The following DMD variants were observed in gnomAD, a reference collection of about 807,000 sequenced individuals.
DMD encodes mutant dystrophin.
In DMD, 63 loss-of-function variants were observed where a neutral mutation model predicts 330.1. The ratio of observed to expected loss-of-function variants is 0.19; its 90% CI spans 0.16 to 0.24. The LOEUF (loss-of-function observed/expected upper bound fraction) is 0.24. Among genes scored for constraint, DMD ranks in the 10% least tolerant of loss-of-function variants. DMD has a pLI of 1.00. For missense variants in DMD, 3,344 were observed against 2,684.1 expected (o/e 1.25, Z -5.43); for synonymous variants, 1,223 against 959.8 (o/e 1.27, Z -5.07).
intron 51 of DMD, among the ~76,000 whole-genome samples, chrX:31,760,559 A>G (rs1261197309): frequency 2.7e-5 from 3 of 112,029 alleles, no homozygotes; most frequent in African/African-American, 9.7e-5. Context: ...ATAGCCTAGG[A>G]GCAATAGGCT....
intron 25 of DMD, among the ~76,000 whole-genome samples, chrX:32,459,097 G>A (rs1271547203): frequency 9.1e-6 from 1 of 110,374 alleles, no homozygotes; most frequent in Non-Finnish European, 1.9e-5. Context: ...TACAACATTG[G>A]GCCTATAGTT....
chrX:31,591,332 T>C (rs973001154), intron 55 of DMD, among the ~76,000 whole-genome samples: 2 of 111,373 alleles, frequency 1.8e-5, no homozygotes, highest in African/African-American at 6.5e-5. Context: ...TTTTCATTGT[T>C]ACAAGCCAAC....
At chrX:32,323,306 G>A (rs2097630408) in intron 41 of DMD, among the ~76,000 whole-genome samples, 1 of 110,990 alleles carries the variant, frequency 9.0e-6, no homozygotes, top group African/African-American at 3.3e-5. Flanking sequence ...GCTGAAACCA[G>A]TGCCCCACAG....
intron 1 of DMD, among the ~76,000 whole-genome samples, chrX:33,029,155 T>A (rs768286765): frequency 8.9e-6 from 1 of 111,764 alleles, no homozygotes; most frequent in Admixed American, 9.5e-5. Context: ...AACTACTCTG[T>A]TAATTATAGA....
At chrX:32,388,524 TAAG>T (rs1001486100) in intron 32 of DMD, among the ~76,000 whole-genome samples, 7 of 109,586 alleles carry the variant, frequency 6.4e-5, no homozygotes, top group African/African-American at 2.3e-4. Context: ...TATTATCGAA[TAAG>T]AATACCTCAT....
chrX:31,377,134 C>G (rs750271898), intron 60 of DMD, among the ~76,000 whole-genome samples: 3 of 112,021 alleles, frequency 2.7e-5, no homozygotes, highest in Non-Finnish European at 5.6e-5. Flanking sequence ...GATACCTGTA[C>G]TCTATTCTAA....
At chrX:32,061,623 T>C (rs1276567065) in intron 44 of DMD, among the ~76,000 whole-genome samples, 1 of 111,440 alleles carries the variant, frequency 9.0e-6, no homozygotes, top group Non-Finnish European at 1.9e-5. Flanking sequence ...GAATTGAGAA[T>C]TGTCCACACC....
intron 50 of DMD, among the ~76,000 whole-genome samples, chrX:31,780,968 T>C (rs1431758099): frequency 8.9e-6 from 1 of 112,043 alleles, no homozygotes; most frequent in Non-Finnish European, 1.9e-5. Context: ...ATGTTAAGTT[T>C]GGGAGCTATG....
chrX:32,288,538 T>G (rs2097452747), intron 42 of DMD, among the ~76,000 whole-genome samples: 1 of 111,250 alleles, frequency 9.0e-6, no homozygotes, highest in Admixed American at 9.6e-5. Context: ...TTCCGCTCTT[T>G]CCCCCCTACT....
chrX:31,576,535 A>G (rs978547627), intron 55 of DMD, among the ~76,000 whole-genome samples: 1 of 110,174 alleles, frequency 9.1e-6, no homozygotes, highest in African/African-American at 3.3e-5. Flanking sequence ...GAAACCATAT[A>G]TGAAAAGTTT....
rs727503828 is a variant in DMD, at chrX:32,365,035, C to A, written c.5010G>T (p.Trp1670Cys). The change falls in exon 35 of 79, where the codon TGG becomes TGT. Residue 1670 changes from tryptophan to cysteine, a missense_variant. Trp to Cys is a radical substitution (Grantham distance 215). Coordinates refer to ENST00000357033, the MANE Select transcript of DMD (RefSeq NM_004006.3). The part of the protein sequence containing the change: ...WIAVTSRAEE[W>C]LNLLLEYQKH... ...TTTCTCTTACCAACAAAAGATTTAA[C>A]CACTCTTCTGCTCGGGAGGTGACAG... 507 of 1,208,544 alleles carry A rather than the reference C, an allele frequency of 4.2e-4. No individual in the cohort carries two copies. The highest frequency in any genetic ancestry group is 5.3e-4 in the Non-Finnish European group (470 of 894,701).
intron 1 of DMD, among the ~76,000 whole-genome samples, chrX:33,315,185 T>C (rs1286885549): frequency 8.9e-6 from 1 of 112,151 alleles, no homozygotes; most frequent in Non-Finnish European, 1.9e-5. Flanking sequence ...TCCAGGATAA[T>C]CTTACCATCT....
intron 7 of DMD, among the ~76,000 whole-genome samples, chrX:32,749,446 CAAT>C (rs2070508167): frequency 8.9e-6 from 1 of 112,008 alleles, no homozygotes; most frequent in South Asian, 3.7e-4. Context: ...AACCTGAGTA[CAAT>C]AATGATATTA....
At chrX:33,171,459 G>C (rs1411148879) in intron 1 of DMD, among the ~76,000 whole-genome samples, 3 of 111,346 alleles carry the variant, frequency 2.7e-5, no homozygotes, top group Non-Finnish European at 5.7e-5. Flanking sequence ...TCTGAAAGCA[G>C]ATTTGAGACC....
intron 1 of DMD, among the ~76,000 whole-genome samples, chrX:33,229,039 T>G (rs1444215016): frequency 9.0e-6 from 1 of 110,959 alleles, no homozygotes; most frequent in Non-Finnish European, 1.9e-5. Flanking sequence ...TCTTCGTGCC[T>G]TTGGCTCATT....
chrX:33,055,560 A>G (rs1425152568), intron 1 of DMD, among the ~76,000 whole-genome samples: 1 of 112,418 alleles, frequency 8.9e-6, no homozygotes, highest in African/African-American at 3.2e-5. Context: ...TTCTTCAACC[A>G]GACATTTGTA....
Position 32,390,042 on chromosome X carries a change from C to T in DMD, c.4344+29G>A, listed in dbSNP as rs72468645. ...TGGAGTATAATGCCCAACGAAAACA[C>T]GTTCCTTAGTTTCTGAAATAACATA... On this transcript the variant is annotated intron_variant, in intron 31 of 78. Coordinates refer to ENST00000357033, the MANE Select transcript of DMD (RefSeq NM_004006.3). The T allele has an allele frequency of 5.1e-4, 567 of 1,122,662 alleles. No homozygotes were observed. Among genetic ancestry groups the T allele is most frequent in the Non-Finnish European group, 6.1e-4 (502 of 816,262 alleles). 92.5% of individuals were successfully genotyped at this position (1,122,662 alleles called of 1,213,427 possible).
intron 60 of DMD, among the ~76,000 whole-genome samples, chrX:31,355,497 C>G (rs771636030): frequency 8.9e-6 from 1 of 112,402 alleles, no homozygotes; most frequent in Admixed American, 9.4e-5. Context: ...ATGACACTTA[C>G]ACAAATGAGC....
At chrX:33,067,437 G>A (rs759617542) in intron 1 of DMD, among the ~76,000 whole-genome samples, 1 of 112,547 alleles carries the variant, frequency 8.9e-6, no homozygotes, top group South Asian at 3.6e-4. Context: ...TCAAAGAGGT[G>A]ATTTTCTTAG....
Sources: gnomAD v4.1 joint callset for allele counts (sites outside exome capture counted in the v4.1 genomes callset) on GRCh38, gnomAD v4.1.1 for gene constraint, MANE v1.5 for transcripts, NCBI Gene and HGNC (gene_info 2026-07-23, HGNC 2026-07-21) for gene names.